The following CSMD2 variants were observed in gnomAD, a reference collection of about 807,000 sequenced individuals.
The protein encoded by CSMD2 is CUB and sushi domain-containing protein 2.
In CSMD2, 130 loss-of-function variants were observed where a neutral mutation model predicts 398.5. The ratio of observed to expected loss-of-function variants is 0.33; its 90% CI spans 0.28 to 0.38. The LOEUF is 0.38. Ranked by LOEUF, CSMD2 falls within the 10% of genes least tolerant of loss-of-function variation. The pLI is 1.00. For missense variants in CSMD2, 3,829 were observed against 4,764.9 expected, an observed-to-expected ratio of 0.80 and a Z score of 5.78; for synonymous variants, 1,828 against 1,908.5, an observed-to-expected ratio of 0.96 and a Z score of 1.10.
rs368892777 is a variant in CSMD2, at chr1:33,726,693, G to T, written c.2369-8C>A. Reference sequence around the variant, plus strand: ...GGTGACCACCACAGGGAGCTGGGGGGACAGAAGGAAGAGAGGCAGCTTTCT... The same window carrying T: ...GGTGACCACCACAGGGAGCTGGGGGTACAGAAGGAAGAGAGGCAGCTTTCT... On this transcript the variant is annotated splice_region_variant and splice_polypyrimidine_tract_variant and intron_variant, in intron 15 of 70. Transcript: ENST00000373381. 2.5e-6 allele frequency: 4 copies of T among 1,605,212 alleles called. No individual in the cohort carries two copies. In the African/African-American group the frequency reaches 4.0e-5, roughly 16 times the overall value.
chr1:33,979,524 G>A (rs1408705712), intron 3 of CSMD2, among the ~76,000 whole-genome samples: 1 of 152,218 alleles, frequency 6.6e-6, no homozygotes, highest in Non-Finnish European at 1.5e-5. Flanking sequence ...CAGACTGGCT[G>A]GCAGAGCGAC....
chr1:33,649,139 CAA>C (rs1273323360), intron 28 of CSMD2, among the ~76,000 whole-genome samples: 1 of 152,140 alleles, frequency 6.6e-6, no homozygotes, highest in Non-Finnish European at 1.5e-5. Flanking sequence ...ATATATCTAA[CAA>C]AGGCAATTGA....
chr1:33,600,789 T>C (rs1461345607), intron 44 of CSMD2, 76 bp downstream of exon 44: 1 of 1,486,024 alleles, frequency 6.7e-7, no homozygotes, highest in Admixed American at 1.8e-5. Flanking sequence ...GATCCGCAAA[T>C]GGTGGAGACG....
At chr1:33,919,491 C>G (rs75720725) in intron 4 of CSMD2, among the ~76,000 whole-genome samples, 2,375 of 152,338 alleles carry the variant, frequency 0.016, 183 homozygotes, top group Admixed American at 0.13. Flanking sequence ...TGAGCCAACT[C>G]ATAGCATTTC....
intron 49 of CSMD2, among the ~76,000 whole-genome samples, chr1:33,574,052 C>T (rs112702425): frequency 8.5e-5 from 13 of 152,154 alleles, no homozygotes; most frequent in Admixed American, 5.9e-4. Flanking sequence ...GAATTTTACC[C>T]AGTCAACTGA....
intron 41 of CSMD2, among the ~76,000 whole-genome samples, chr1:33,608,641 G>A (rs1640789490): frequency 6.6e-6 from 1 of 152,188 alleles, no homozygotes; most frequent in African/African-American, 2.4e-5. Context: ...GGAATTTGGA[G>A]ACAGAGGCAC....
chr1:33,879,859 G>C (rs1425619521), intron 5 of CSMD2, among the ~76,000 whole-genome samples: 1 of 152,196 alleles, frequency 6.6e-6, no homozygotes, highest in South Asian at 2.1e-4. Context: ...GAACAAATGA[G>C]AGCATGAATA....
intron 7 of CSMD2, among the ~76,000 whole-genome samples, chr1:33,825,197 C>T (rs947366849): frequency 6.6e-6 from 1 of 152,104 alleles, no homozygotes; most frequent in Non-Finnish European, 1.5e-5. Flanking sequence ...CCCACCCCCA[C>T]ACTTCCCCAG....
chr1:33,989,760 G>A (rs974748340), intron 3 of CSMD2, among the ~76,000 whole-genome samples: 2 of 152,064 alleles, frequency 1.3e-5, no homozygotes, highest in Non-Finnish European at 2.9e-5. Context: ...TACACTGTAC[G>A]ATTTTGCTAT....
intron 3 of CSMD2, among the ~76,000 whole-genome samples, chr1:33,984,442 C>A (rs765601962): frequency 6.6e-6 from 1 of 152,182 alleles, no homozygotes; most frequent in Non-Finnish European, 1.5e-5. Flanking sequence ...CTCAAAGCAG[C>A]AAGACACTCA....
At chr1:33,826,012 G>C (rs1658769455) in intron 6 of CSMD2, among the ~76,000 whole-genome samples, 1 of 152,202 alleles carries the variant, frequency 6.6e-6, no homozygotes, top group African/African-American at 2.4e-5. Context: ...GTCTCCTACT[G>C]GGTGGGCTCT....
intron 64 of CSMD2, among the ~76,000 whole-genome samples, chr1:33,528,493 T>G (rs1251771019): frequency 6.6e-6 from 1 of 152,324 alleles, no homozygotes; most frequent in South Asian, 2.1e-4. Context: ...GTGGAGAAAG[T>G]TTCTGCAGTG....
intron 7 of CSMD2, among the ~76,000 whole-genome samples, chr1:33,824,309 C>T (rs1425199424): frequency 6.6e-6 from 1 of 152,146 alleles, no homozygotes; most frequent in Non-Finnish European, 1.5e-5. Context: ...CTGGCCTGAC[C>T]CTGGGCTCTC....
chr1:33,662,904 G>T lies in CSMD2; in HGVS notation c.4241C>A (p.Ala1414Asp). ...TDFFTSKQGF[A>D]IQFSVSTATS... is the part of the protein sequence containing the mutation. ...CACGCACAGACCTGAAAATTGAATG[G>T]CAAAGCCCTGCTTGCTGGTGAAGAA... The change falls in exon 26 of 71, where the codon GCC becomes GAC. Residue 1414 changes from alanine (A) to aspartate (D), a missense_variant. Physicochemically the swap from Ala to Asp is moderately radical, Grantham distance 126. Around this residue, in one of 5 missense-constraint regions of CSMD2, gnomAD observed 2,001 missense variants for 2,567.1 expected, o/e 0.78. Coordinates refer to ENST00000373381, the MANE Select transcript of CSMD2 (RefSeq NM_001281956.2). 1 of 1,614,142 alleles carries T rather than the reference G, an allele frequency of 6.2e-7. No individual in the cohort carries two copies. Among genetic ancestry groups the T allele is most frequent in the Non-Finnish European group, 8.5e-7 (1 of 1,180,018 alleles).
intron 1 of CSMD2, among the ~76,000 whole-genome samples, chr1:34,133,925 C>T (rs997236736): frequency 1.3e-5 from 2 of 151,594 alleles, no homozygotes; most frequent in Admixed American, 6.6e-5. Context: ...AAAAATTAGC[C>T]GGGTGTGGTA....
chr1:34,106,699 G>T (rs770622992), intron 1 of CSMD2, among the ~76,000 whole-genome samples: 1 of 152,140 alleles, frequency 6.6e-6, no homozygotes, highest in African/African-American at 2.4e-5. Flanking sequence ...GATACAAAAC[G>T]GGTCTCCTTT....
intron 1 of CSMD2, among the ~76,000 whole-genome samples, chr1:34,118,328 A>G (rs555821435): frequency 6.6e-6 from 1 of 152,298 alleles, no homozygotes; most frequent in Non-Finnish European, 1.5e-5. Context: ...ATGGTGAAAA[A>G]CTGAAAGCTT....
At position 33,660,105 on chromosome 1, in the gene CSMD2, G is replaced by C. The variant is rs968336779; in HGVS notation, c.4256-1968C>G. On this transcript the variant is annotated intron_variant, in intron 26 of 70. Coordinates refer to ENST00000373381, the MANE Select transcript of CSMD2 (RefSeq NM_001281956.2). ...AGGATTATTTATATGGGAGGCAATA[G>C]AGTACAATGATTAGCAGCTTAGGTT... 2.0e-5 allele frequency among the ~76,000 whole-genome samples: 3 copies of C among 152,240 alleles called. 1 individual carries two copies. Among genetic ancestry groups the C allele is most frequent in the Non-Finnish European group, 4.4e-5 (3 of 68,042 alleles).
At chr1:33,578,372 G>A (rs1287467421) in intron 48 of CSMD2, among the ~76,000 whole-genome samples, 1 of 152,132 alleles carries the variant, frequency 6.6e-6, no homozygotes, top group Non-Finnish European at 1.5e-5. Context: ...GAGGCCAGGA[G>A]TTCAAGACCA....
Sources: gnomAD v4.1 joint callset for allele counts (sites outside exome capture counted in the v4.1 genomes callset) on GRCh38, gnomAD v4.1.1 for gene constraint, gnomAD v4.1.1 regional missense constraint, MANE v1.5 for transcripts, NCBI Gene and HGNC (gene_info 2026-07-23, HGNC 2026-07-21) for gene names.